The following KCTD9 variants were observed in gnomAD, a reference collection of about 807,000 sequenced individuals.
The protein encoded by KCTD9 is BTB/POZ domain-containing protein KCTD9.
In KCTD9, 17 loss-of-function variants were observed where a neutral mutation model predicts 53.3. The observed-to-expected ratio is 0.32, with a 90% confidence interval of 0.22 to 0.48. The LOEUF (loss-of-function observed/expected upper bound fraction) is 0.48, where lower values mean the gene tolerates loss of function less well. Among genes scored for constraint, KCTD9 ranks in the 20% least tolerant of loss-of-function variants. The pLI is 0.99. For missense variants in KCTD9, 179 were observed against 465.5 expected, an observed-to-expected ratio of 0.38 and a Z score of 5.66; for synonymous variants, 128 against 162.7, an observed-to-expected ratio of 0.79 and a Z score of 1.62.
chr8:25,445,987 A>G, intron 2 of KCTD9, 142 bp downstream of exon 2: 1 of 1,045,456 alleles, frequency 9.6e-7, no homozygotes, highest in Non-Finnish European at 1.4e-6. Flanking sequence ...CAAATGATTT[A>G]AATTCCAAAG....
At chr8:25,452,869 G>A (rs1446564840) in intron 1 of KCTD9, among the ~76,000 whole-genome samples, 4 of 152,096 alleles carry the variant, frequency 2.6e-5, no homozygotes, top group African/African-American at 9.7e-5. Context: ...TATATTGAAC[G>A]AAAAAAGCAA....
chr8:25,440,994 G>A (rs1449169843), intron 3 of KCTD9, among the ~76,000 whole-genome samples: 1 of 152,192 alleles, frequency 6.6e-6, no homozygotes, highest in East Asian at 1.9e-4. Flanking sequence ...AAGTCTAGCT[G>A]AAAACAACAG....
Position 25,458,264 on chromosome 8 carries a change from G to C in KCTD9, c.-18C>G. 1 of 1,610,108 alleles carries C rather than the reference G, an allele frequency of 6.2e-7. No homozygotes were observed. The highest frequency in any genetic ancestry group is 8.5e-7 in the Non-Finnish European group (1 of 1,179,334). On this transcript the variant is annotated 5_prime_UTR_variant, in exon 1 of 12. Transcript: ENST00000221200. Reference sequence around the variant, plus strand: ...CGCCTCATCGCGCTGCCCCCGCTGGGTCCTGAGTGAGCCGCCACCCTCCCA... The same window carrying C: ...CGCCTCATCGCGCTGCCCCCGCTGGCTCCTGAGTGAGCCGCCACCCTCCCA...
chr8:25,439,541 G>C (rs762036202), intron 5 of KCTD9, 65 bp downstream of exon 5: 266 of 1,590,452 alleles, frequency 1.7e-4, no homozygotes, highest in Non-Finnish European at 2.2e-4. Context: ...AAGGTCAGGA[G>C]TTATAAAGTC....
intron 1 of KCTD9, among the ~76,000 whole-genome samples, chr8:25,448,062 A>C (rs1802248776): frequency 6.6e-6 from 1 of 152,148 alleles, no homozygotes; most frequent in African/African-American, 2.4e-5. Context: ...TGCCAATTCA[A>C]GGCTGCAGTG....
chr8:25,429,843 A>C lies in KCTD9; in HGVS notation c.*14T>G. 8.3e-7 allele frequency: 1 copy of C among 1,201,806 alleles called. No individual in the cohort carries two copies. The highest frequency in any genetic ancestry group is 2.3e-5 in the East Asian group (1 of 42,966). The allele number at this position is 1,201,806 out of a possible 1,614,324, so 74.4% of individuals were successfully genotyped here. A position where few individuals can be genotyped will look rare whatever the true frequency, so the allele number is the denominator to read the frequency against. On this transcript the variant is annotated 3_prime_UTR_variant, in exon 12 of 12. Coordinates refer to ENST00000221200, the MANE Select transcript of KCTD9 (RefSeq NM_017634.4). ...ATTTTCATCTTTTACATCTTCCTCC[A>C]GCCCCTAAAATTCTCATCTGACACT...
At chr8:25,444,231 T>A in intron 3 of KCTD9, 61 bp downstream of exon 3, 3 of 1,284,850 alleles carry the variant, frequency 2.3e-6, no homozygotes, top group Non-Finnish European at 3.3e-6. Context: ...TTTAAAATAA[T>A]TGTCATTCCA....
chr8:25,445,657 A>T (rs1048978664), intron 2 of KCTD9, among the ~76,000 whole-genome samples: 1 of 152,126 alleles, frequency 6.6e-6, no homozygotes, highest in Non-Finnish European at 1.5e-5. Context: ...TTAAGGTACA[A>T]ACATAAGCCT....
rs188637851 is a variant in KCTD9 at position 25,429,775 on chromosome 8, T to C, written c.*82A>G. 3 of 751,966 alleles carry C rather than the reference T, an allele frequency of 4.0e-6. No individual in the cohort carries two copies. Among genetic ancestry groups the C allele is most frequent in the Non-Finnish European group, 7.2e-6 (3 of 416,800 alleles). The allele number at this position is 751,966 out of a possible 1,614,324, so 46.6% of individuals were successfully genotyped here. On this transcript the variant is annotated 3_prime_UTR_variant, in exon 12 of 12. Coordinates refer to ENST00000221200, the MANE Select transcript of KCTD9 (RefSeq NM_017634.4). ...AATTTCCTTACAGTGTTATTTCTTC[T>C]AGACAACTGAGTGGGTGGAGAAAGA...
Position 25,436,322 on chromosome 8 carries a change from T to G in KCTD9, c.576A>C (p.Gln192His). The change falls in exon 8 of 12, where the codon CAA (glutamine) becomes CAC (histidine). Residue 192 changes from glutamine to histidine, a missense_variant. Physicochemically the swap from Gln to His is conservative, Grantham distance 24. Transcript: ENST00000221200. ...EHLEVAIKNS[Q>H]PPEDHSPISR... ...ATATTGGTGAATGATCCTCCGGTGG[T>G]TGAGAATTCTTAAAAAAGACATTAA... 1 of 1,612,148 alleles carries G rather than the reference T, an allele frequency of 6.2e-7. No individual in the cohort carries two copies. The highest frequency in any genetic ancestry group is 2.2e-5 in the East Asian group (1 of 44,844).
chr8:25,447,406 T>C (rs1261378143), intron 1 of KCTD9, among the ~76,000 whole-genome samples: 1 of 151,684 alleles, frequency 6.6e-6, no homozygotes, highest in Non-Finnish European at 1.5e-5. Flanking sequence ...AAAAGAAAAA[T>C]AAGTAGGTGA....
intron 1 of KCTD9, among the ~76,000 whole-genome samples, chr8:25,453,422 G>A (rs188456459): frequency 5.3e-5 from 8 of 152,014 alleles, no homozygotes; most frequent in African/African-American, 1.2e-4. Flanking sequence ...TTGGGAGGCT[G>A]AGGCTGGCGG....
rs1801876780 is a variant in KCTD9, at chr8:25,428,493, A to ATGT, written c.*1361_*1363dup. 6.6e-6 allele frequency: 1 copy of ATGT among 152,466 alleles called. No individual in the cohort carries two copies. The highest frequency in any genetic ancestry group is 2.4e-5 in the African/African-American group (1 of 41,422). The allele number at this position is 152,466 out of a possible 1,614,324, so 9.4% of individuals were successfully genotyped here. On this transcript the variant is annotated 3_prime_UTR_variant, in exon 12 of 12. Transcript: ENST00000221200. ...GTGGTTTTCAATGATTCCTTGCCTC[A>ATGT]TGTTGATGAGTCTGTAGAATTCAGA...
chr8:25,456,070 C>T (rs1802428018), intron 1 of KCTD9, among the ~76,000 whole-genome samples: 2 of 152,136 alleles, frequency 1.3e-5, no homozygotes, highest in Non-Finnish European at 2.9e-5. Context: ...CAATTCCTGG[C>T]GAGCATATAA....
intron 1 of KCTD9, among the ~76,000 whole-genome samples, chr8:25,456,179 T>G (rs578021372): frequency 6.6e-6 from 1 of 152,166 alleles, no homozygotes; most frequent in Non-Finnish European, 1.5e-5. Flanking sequence ...AGAGGGAAAC[T>G]TACTTGAAAA....
intron 1 of KCTD9, 62 bp downstream of exon 1, chr8:25,458,137 T>C: frequency 6.9e-7 from 1 of 1,450,134 alleles, no homozygotes; most frequent in Non-Finnish European, 9.4e-7. Context: ...CGCCAGCCGG[T>C]TCCGCACCGT....
At chr8:25,434,200 A>G (rs933640483) in intron 9 of KCTD9, among the ~76,000 whole-genome samples, 5 of 152,144 alleles carry the variant, frequency 3.3e-5, no homozygotes, top group African/African-American at 1.2e-4. Flanking sequence ...CCCAAGTTCA[A>G]GTGATTCTCG....
chr8:25,439,157 G>T (rs1390986152), intron 6 of KCTD9, 122 bp downstream of exon 6: 8 of 800,206 alleles, frequency 1.0e-5, no homozygotes, highest in Non-Finnish European at 5.5e-6. Context: ...TTAAAAAATA[G>T]AAAAAATATA....
Position 25,458,399 on chromosome 8 carries a change from C to T in KCTD9, c.-153G>A, listed in dbSNP as rs1802523076. 2 of 807,932 alleles carry T rather than the reference C, an allele frequency of 2.5e-6. No homozygotes were observed. The highest frequency in any genetic ancestry group is 2.1e-5 in the Admixed American group (1 of 47,264). 50.0% of individuals were successfully genotyped at this position (807,932 alleles called of 1,614,324 possible). On this transcript the variant is annotated 5_prime_UTR_variant, in exon 1 of 12. Coordinates refer to ENST00000221200, the MANE Select transcript of KCTD9 (RefSeq NM_017634.4). ...CCCTTGGGGACACACCACACGCACG[C>T]ACTCTGTCCCACACCCAAGGTTCGG...
Sources: gnomAD v4.1 joint callset for allele counts (sites outside exome capture counted in the v4.1 genomes callset) on GRCh38, gnomAD v4.1.1 for gene constraint, MANE v1.5 for transcripts, NCBI Gene and HGNC (gene_info 2026-07-23, HGNC 2026-07-21) for gene names.